Variants in CNTNAP5 observed in about 807,000 individuals in gnomAD.
CNTNAP5 encodes the protein contactin associated protein family member 5.
A neutral mutation model predicts 150.2 loss-of-function variants in CNTNAP5; 72 were observed. The ratio of observed to expected loss-of-function variants is 0.48; its 90% CI spans 0.40 to 0.58. The LOEUF is 0.58. CNTNAP5 is among the 20% of genes least tolerant of loss of function. The probability of loss-of-function intolerance (pLI) is 0.00; values close to 1 mark genes in which losing one functional copy is unlikely to be tolerated. For missense variants in CNTNAP5, 1,636 were observed against 1,626.2 expected (o/e 1.01, Z -0.10); for synonymous variants, 672 against 619.8 (o/e 1.08, Z -1.25).
At chr2:124,624,126 C>T (rs1274618159) in intron 12 of CNTNAP5, among the ~76,000 whole-genome samples, 1 of 152,184 alleles carries the variant, frequency 6.6e-6, no homozygotes, top group Non-Finnish European at 1.5e-5. Flanking sequence ...AAAGTGGTCT[C>T]TCTGGACTAG....
chr2:124,207,878 A>G (rs909710053), intron 1 of CNTNAP5, among the ~76,000 whole-genome samples: 7 of 152,322 alleles, frequency 4.6e-5, no homozygotes, highest in African/African-American at 1.7e-4. Context: ...CTTAAACTTT[A>G]TCGATGCTTT....
intron 11 of CNTNAP5, among the ~76,000 whole-genome samples, chr2:124,600,743 GAGAGAGAGAGAGAGAGAGAGAGAGAA>G (rs1218126163): frequency 8.4e-6 from 1 of 119,160 alleles, no homozygotes; most frequent in African/African-American, 3.0e-5. Flanking sequence ...GAGAGAGAGA[GAGAGAGAGAGAGAGAGAGAGAGAGAA>G]AGAGAGAGAA....
At position 124,909,824 on chromosome 2, in the gene CNTNAP5, GAC is replaced by G. The variant is rs1299392819; in HGVS notation, c.3656-1641_3656-1640del. On this transcript the variant is annotated intron_variant, in intron 22 of 23. Coordinates refer to ENST00000682447, the MANE Select transcript of CNTNAP5 (RefSeq NM_001367498.1). ...TATCACCCCATCGTTATCAATTGGT[GAC>G]ATATATATATATATATATATATATA... Among the ~76,000 whole-genome samples, 111 of 29,206 alleles carry G rather than the reference GAC, an allele frequency of 3.8e-3. 4 individuals carry two copies. The highest frequency in any genetic ancestry group is 9.9e-3 in the African/African-American group (104 of 10,464). The allele number at this position is 29,206 out of a possible 152,430, so 19.2% of individuals were successfully genotyped here.
intron 13 of CNTNAP5, among the ~76,000 whole-genome samples, chr2:124,734,583 A>G (rs1050543022): frequency 6.6e-6 from 1 of 151,972 alleles, no homozygotes; most frequent in Non-Finnish European, 1.5e-5. Context: ...CATGCACACT[A>G]GATTTATAGT....
chr2:124,408,523 G>C (rs555169460), intron 3 of CNTNAP5, among the ~76,000 whole-genome samples: 3 of 151,982 alleles, frequency 2.0e-5, no homozygotes, highest in East Asian at 3.9e-4. Flanking sequence ...CTCCCAGCAC[G>C]CAGCTGGAGA....
chr2:124,863,612 C>T (rs1158672079), intron 19 of CNTNAP5, among the ~76,000 whole-genome samples: 2 of 152,152 alleles, frequency 1.3e-5, no homozygotes, highest in African/African-American at 4.8e-5. Flanking sequence ...TATTGTTTCA[C>T]ATGCATGTAT....
intron 3 of CNTNAP5, among the ~76,000 whole-genome samples, chr2:124,306,448 A>C (rs915468295): frequency 5.9e-5 from 9 of 152,146 alleles, no homozygotes; most frequent in African/African-American, 2.2e-4. Context: ...TGAGCTCCAA[A>C]TGGTCAGAGA....
rs549426439 is a variant in CNTNAP5, at chr2:124,053,799, G to A, written c.82+28067G>A. Among the ~76,000 whole-genome samples the A allele has an allele frequency of 1.2e-4, 19 of 152,202 alleles. No homozygotes were observed. In the East Asian group the frequency reaches 3.7e-3, roughly 29 times the overall value. The stretch of plus-strand genomic sequence containing the variant: ...ATGTTGCATTACTAGGAGATTTGGG[G>A]CAATATAATCCAGAAGGCCCATGAA... On this transcript the variant is annotated intron_variant, in intron 1 of 23. Transcript: ENST00000682447.
At chr2:124,032,112 A>G (rs559009513) in intron 1 of CNTNAP5, among the ~76,000 whole-genome samples, 1 of 152,288 alleles carries the variant, frequency 6.6e-6, no homozygotes, top group African/African-American at 2.4e-5. Context: ...AGAAAAATAA[A>G]CCTTTAGTCA....
chr2:124,152,143 C>G (rs147023309), intron 1 of CNTNAP5, among the ~76,000 whole-genome samples: 369 of 152,274 alleles, frequency 2.4e-3, no homozygotes, highest in African/African-American at 8.3e-3. Context: ...TGACTGCGCT[C>G]TACCTCAGGT....
chr2:124,242,461 G>A (rs564933259), intron 3 of CNTNAP5, 68 bp downstream of exon 3: 291 of 1,415,818 alleles, frequency 2.1e-4, no homozygotes, highest in African/African-American at 5.3e-4. Context: ...GTATATTTCC[G>A]TCATTTTCCA....
chr2:124,121,005 T>C (rs999580422), intron 1 of CNTNAP5, among the ~76,000 whole-genome samples: 7 of 152,130 alleles, frequency 4.6e-5, no homozygotes, highest in African/African-American at 1.7e-4. Context: ...AATAGTGCCA[T>C]AATAACTGTT....
intron 1 of CNTNAP5, among the ~76,000 whole-genome samples, chr2:124,218,013 C>T (rs975598592): frequency 1.3e-5 from 2 of 152,094 alleles, no homozygotes; most frequent in Non-Finnish European, 2.9e-5. Context: ...ACTAATGCAG[C>T]CTATCACAAA....
intron 7 of CNTNAP5, among the ~76,000 whole-genome samples, chr2:124,488,391 T>G (rs1288185514): frequency 6.6e-6 from 1 of 152,170 alleles, no homozygotes; most frequent in Admixed American, 6.5e-5. Flanking sequence ...GTGGTTTCAG[T>G]TTGGGAAAAA....
At chr2:124,446,393 C>A (rs1430487430) in intron 5 of CNTNAP5, among the ~76,000 whole-genome samples, 1 of 152,154 alleles carries the variant, frequency 6.6e-6, no homozygotes, top group Non-Finnish European at 1.5e-5. Flanking sequence ...TCCTAATTGG[C>A]TTTCTCCACT....
intron 10 of CNTNAP5, among the ~76,000 whole-genome samples, chr2:124,533,143 C>T (rs879473319): frequency 6.6e-6 from 1 of 151,846 alleles, no homozygotes; most frequent in African/African-American, 2.4e-5. Flanking sequence ...ATTTAGGTGC[C>T]AAGGTTATGG....
chr2:124,703,117 C>A (rs998038435), intron 13 of CNTNAP5, among the ~76,000 whole-genome samples: 3 of 138,780 alleles, frequency 2.2e-5, no homozygotes, highest in Non-Finnish European at 4.8e-5. Flanking sequence ...CTTCCTCCCT[C>A]CCTCCCTCCC....
At chr2:124,884,758 G>A (rs1295943916) in intron 21 of CNTNAP5, among the ~76,000 whole-genome samples, 1 of 151,900 alleles carries the variant, frequency 6.6e-6, no homozygotes, top group Non-Finnish European at 1.5e-5. Flanking sequence ...TCATTTTTTG[G>A]TGAGCACCCT....
At chr2:124,292,508 G>A (rs887979997) in intron 3 of CNTNAP5, among the ~76,000 whole-genome samples, 6 of 151,986 alleles carry the variant, frequency 3.9e-5, no homozygotes, top group African/African-American at 9.7e-5. Flanking sequence ...TTTTGATAGA[G>A]CTCCTATTTT....
Sources: gnomAD v4.1 joint callset for allele counts (sites outside exome capture counted in the v4.1 genomes callset) on GRCh38, gnomAD v4.1.1 for gene constraint, MANE v1.5 for transcripts, NCBI Gene and HGNC (gene_info 2026-07-23, HGNC 2026-07-21) for gene names.